Variants in BLTP3A observed in about 807,000 individuals in gnomAD.
The protein encoded by BLTP3A is ICBP90 binding protein 1.
the BLTP3A span, among the ~76,000 whole-genome samples, chr6:34,795,404 GTT>G: frequency 7.2e-6 from 1 of 138,596 alleles, no homozygotes. Flanking sequence ...TTTGTTTTTT[GTT>G]TTTTTTTTTG....
At chr6:34,796,866 G>A in the BLTP3A span, among the ~76,000 whole-genome samples, 2 of 152,100 alleles carry the variant, frequency 1.3e-5, no homozygotes, top group Admixed American at 1.3e-4. Flanking sequence ...CACCACGCCC[G>A]GCTAATTTTT....
the BLTP3A span, among the ~76,000 whole-genome samples, chr6:34,835,879 C>T: frequency 6.6e-6 from 1 of 152,192 alleles, no homozygotes; most frequent in African/African-American, 2.4e-5. Context: ...AATGTTTTAG[C>T]ATCAGTCCAC....
At chr6:34,815,052 T>G in the BLTP3A span, among the ~76,000 whole-genome samples, 3 of 152,180 alleles carry the variant, frequency 2.0e-5, no homozygotes, top group African/African-American at 7.2e-5. Context: ...CTCATGCTCT[T>G]CCTCTGAGCA....
chr6:34,876,691 G>T, the BLTP3A span: 2 of 152,212 alleles, frequency 1.3e-5, no homozygotes, highest in Non-Finnish European at 2.9e-5. Flanking sequence ...GTTTCAGAGA[G>T]AATCTGGTGT....
chr6:34,821,019 C>T, the BLTP3A span, among the ~76,000 whole-genome samples: 3 of 148,700 alleles, frequency 2.0e-5, no homozygotes, highest in Non-Finnish European at 3.0e-5. Flanking sequence ...TGCAATGGCA[C>T]GATTTCAGCT....
chr6:34,828,252 A>G, the BLTP3A span, among the ~76,000 whole-genome samples: 6 of 151,968 alleles, frequency 3.9e-5, no homozygotes, highest in Non-Finnish European at 7.4e-5. Context: ...GGAGTTCAAG[A>G]CCAGTCTGAT....
chr6:34,867,729 C>T, the BLTP3A span: 2 of 1,362,078 alleles, frequency 1.5e-6, no homozygotes, highest in African/African-American at 1.5e-5. Context: ...GTGCCAAGTT[C>T]TCTCCAGCAG....
the BLTP3A span, chr6:34,856,724 T>A: frequency 6.4e-7 from 1 of 1,564,378 alleles, no homozygotes; most frequent in Non-Finnish European, 8.7e-7. Flanking sequence ...ATTTTTACTT[T>A]CCTTATTCTA....
At chr6:34,836,994 G>C in the BLTP3A span, among the ~76,000 whole-genome samples, 2 of 152,218 alleles carry the variant, frequency 1.3e-5, no homozygotes, top group Admixed American at 6.5e-5. Context: ...TGAGTTAAAT[G>C]ATGTCTCACT....
At chr6:34,872,445 T>C in the BLTP3A span, 2 of 1,604,646 alleles carry the variant, frequency 1.2e-6, no homozygotes, top group East Asian at 4.5e-5. Context: ...CTGAAACCAG[T>C]GGCTCAGCCA....
chr6:34,848,627 G>A, the BLTP3A span, among the ~76,000 whole-genome samples: 1 of 151,168 alleles, frequency 6.6e-6, no homozygotes, highest in Non-Finnish European at 1.5e-5. Context: ...AAAATACATA[G>A]CTATTCCGTC....
chr6:34,852,999 A>C, the BLTP3A span, among the ~76,000 whole-genome samples: 3 of 152,166 alleles, frequency 2.0e-5, no homozygotes, highest in Middle Eastern at 3.4e-3. Flanking sequence ...CCCCAAGCAC[A>C]CGGATTCTGT....
At chr6:34,867,257 C>A in the BLTP3A span, 3 of 1,613,966 alleles carry the variant, frequency 1.9e-6, no homozygotes, top group African/African-American at 4.0e-5. Flanking sequence ...ACCAGGATCT[C>A]TTTCAAATGT....
the BLTP3A span, among the ~76,000 whole-genome samples, chr6:34,817,556 C>T: frequency 1.3e-5 from 2 of 152,106 alleles, no homozygotes; most frequent in East Asian, 1.9e-4. Flanking sequence ...TTTCATGGCC[C>T]AGCAAGCAGC....
the BLTP3A span, among the ~76,000 whole-genome samples, chr6:34,829,642 T>G: frequency 1.3e-5 from 2 of 151,532 alleles, no homozygotes; most frequent in Non-Finnish European, 2.9e-5. Flanking sequence ...TTCTTCTTCT[T>G]TTTTTTTTCT....
the BLTP3A span, among the ~76,000 whole-genome samples, chr6:34,837,362 C>T: frequency 1.3e-5 from 2 of 150,826 alleles, no homozygotes; most frequent in Non-Finnish European, 3.0e-5. Context: ...GGCAACATGG[C>T]GAAACCCGTC....
chr6:34,798,484 C>T, the BLTP3A span, among the ~76,000 whole-genome samples: 1 of 152,070 alleles, frequency 6.6e-6, no homozygotes, highest in African/African-American at 2.4e-5. Context: ...AGTGGCTATA[C>T]CAATTTACAT....
the BLTP3A span, among the ~76,000 whole-genome samples, chr6:34,811,673 G>GCCC: frequency 9.2e-6 from 1 of 108,216 alleles, no homozygotes; most frequent in African/African-American, 4.7e-5. Flanking sequence ...AACATGGTGA[G>GCCC]ACCCCCCCCC....
At chr6:34,857,033 C>T in the BLTP3A span, 1 of 1,393,532 alleles carries the variant, frequency 7.2e-7, no homozygotes, top group South Asian at 1.4e-5. Context: ...CTATTTACCT[C>T]ACTTCTGGGA....
Sources: allele counts gnomAD v4.1 joint callset (sites outside exome capture counted in the v4.1 genomes callset), GRCh38; gene constraint gnomAD v4.1.1; transcripts MANE v1.5; gene names NCBI Gene and HGNC (gene_info 2026-07-23, HGNC 2026-07-21).